Variants in APOE observed in about 807,000 individuals in gnomAD.
APOE encodes the protein apolipoprotein E3.
APOE carries 10 observed loss-of-function variants against 13.1 expected under a neutral mutation model. That is an observed-to-expected ratio of 0.76 (90% confidence interval 0.47 to 1.29). The LOEUF (loss-of-function observed/expected upper bound fraction) is 1.29. Among genes scored for constraint, APOE ranks in the 50% most tolerant of loss-of-function variants. The pLI is 0.00. For synonymous variants in APOE, 211 were observed against 207.1 expected (o/e 1.02, Z -0.16); for missense variants, 471 against 459.6 (o/e 1.02, Z -0.23).
intron 2 of APOE, 65 bp downstream of exon 2, chr19:44,906,732 T>C: frequency 6.4e-7 from 1 of 1,551,436 alleles, no homozygotes; most frequent in South Asian, 1.1e-5. Flanking sequence ...CTCAACCTCC[T>C]GGCCCCATTC....
rs1969886045 is a variant in APOE at position 44,909,148 on chromosome 19, GC to G, written c.856del (p.Leu286TrpfsTer?). 2 of 1,601,386 alleles carry G rather than the reference GC, an allele frequency of 1.2e-6. No individual in the cohort carries two copies. The highest frequency in any genetic ancestry group is 1.7e-6 in the Non-Finnish European group (2 of 1,178,878). ...FQARLKSWFE[P>X]LVEDMQRQWA... ...AGGCCCGCCTCAAGAGCTGGTTCGAGCCCCTGGTGGAAGACATGCAGCGCCA... is the reference window on the plus strand; with the variant it reads ...AGGCCCGCCTCAAGAGCTGGTTCGAGCCCTGGTGGAAGACATGCAGCGCCA... On this transcript the variant is annotated frameshift_variant, in exon 4 of 4. Coordinates refer to ENST00000252486, the MANE Select transcript of APOE (RefSeq NM_000041.4). LOFTEE classifies it low-confidence loss of function (END_TRUNC).
In APOE at chr19:44,906,731, C is replaced by T. The variant is rs143063029; in HGVS notation, c.43+64C>T. The T allele has an allele frequency of 1.7e-3, 2,678 of 1,553,144 alleles. 10 individuals are homozygous for T. The Middle Eastern group carries it at 0.026, about 15-fold the overall frequency. On this transcript the variant is annotated intron_variant, in intron 2 of 3. Coordinates refer to ENST00000252486, the MANE Select transcript of APOE (RefSeq NM_000041.4). Reference sequence around the variant, plus strand: ...CCCCTCTCATCCTCACCTCAACCTCCTGGCCCCATTCAGGCAGACCCTGGG... The same window carrying T: ...CCCCTCTCATCCTCACCTCAACCTCTTGGCCCCATTCAGGCAGACCCTGGG...
Position 44,908,847 on chromosome 19 carries a change from C to T in APOE, c.551C>T (p.Ala184Val), listed in dbSNP as rs981058595. ...QKRLAVYQAG[A>V]REGAERGLSA... is the part of the protein sequence containing the mutation. ...CGCCTGGCAGTGTACCAGGCCGGGG[C>T]CCGCGAGGGCGCCGAGCGCGGCCTC... Residue 184 changes from alanine (A) to valine (V), a missense_variant, in exon 4 of 4, where the codon GCC becomes GTC. Transcript: ENST00000252486. 2.6e-6 allele frequency: 4 copies of T among 1,527,756 alleles called. No individual in the cohort carries two copies. Among genetic ancestry groups the T allele is most frequent in the Non-Finnish European group, 3.5e-6 (4 of 1,142,412 alleles). 94.6% of individuals were successfully genotyped at this position (1,527,756 alleles called of 1,614,324 possible).
In APOE at chr19:44,907,912, CAGG is replaced by C. The variant is rs1212949121; in HGVS notation, c.202_204del (p.Glu68del). The C allele has an allele frequency of 6.2e-7, 1 of 1,613,928 alleles. No individual in the cohort carries two copies. Among genetic ancestry groups the C allele is most frequent in the Non-Finnish European group, 8.5e-7 (1 of 1,179,948 alleles). The stretch of plus-strand genomic sequence containing the variant: ...GGTGCAGACACTGTCTGAGCAGGTG[CAGG>C]AGGAGCTGCTCAGCTCCCAGGTCAC... On this transcript the variant is annotated inframe_deletion, in exon 3 of 4. Coordinates refer to ENST00000252486, the MANE Select transcript of APOE (RefSeq NM_000041.4). The surrounding 1 kb of genome is among the most constrained non-coding windows in gnomAD (Gnocchi z 4.1).
intron 2 of APOE, 23 bp downstream of exon 2, chr19:44,906,690 G>GT (rs1186127507): frequency 1.9e-6 from 3 of 1,612,952 alleles, no homozygotes; most frequent in East Asian, 2.2e-5. Flanking sequence ...GGCTTGCTCG[G>GT]TTCCCCCCGC....
chr19:44,908,774 C>T lies in APOE; in HGVS notation c.478C>T (p.Arg160Cys), dbSNP rs387906567. Residue 160 changes from arginine (R) to cysteine (C), a missense_variant, in exon 4 of 4, where the codon CGC becomes TGC. Arg to Cys is a radical substitution (Grantham distance 180). Coordinates refer to ENST00000252486, the MANE Select transcript of APOE (RefSeq NM_000041.4). ...ELRVRLASHL[R>C]KLRKRLLRDA... ...GCGGGTGCGCCTCGCCTCCCACCTG[C>T]GCAAGCTGCGTAAGCGGCTCCTCCG... The T allele has an allele frequency of 6.4e-7, 1 of 1,560,316 alleles. No individual in the cohort carries two copies. The highest frequency in any genetic ancestry group is 8.7e-7 in the Non-Finnish European group (1 of 1,154,886).
chr19:44,908,828 G>T lies in APOE; in HGVS notation c.532G>T (p.Ala178Ser). 1 of 1,538,660 alleles carries T rather than the reference G, an allele frequency of 6.5e-7. No individual in the cohort carries two copies. ...TGCCGATGACCTGCAGAAGCGCCTG[G>T]CAGTGTACCAGGCCGGGGCCCGCGA... is the stretch of plus-strand genomic sequence containing the variant. ...RDADDLQKRL[A>S]VYQAGAREGA... The change falls in exon 4 of 4, where the codon GCA becomes TCA. Residue 178 changes from alanine to serine, a missense_variant. By Grantham distance (99) the Ala-to-Ser change is moderately conservative. Coordinates refer to ENST00000252486, the MANE Select transcript of APOE (RefSeq NM_000041.4).
chr19:44,906,291 G>A (rs1373159353), intron 1 of APOE: 1 of 476,082 alleles, frequency 2.1e-6, no homozygotes. Context: ...AAGGGAGAAT[G>A]AGGAATGCGA....
chr19:44,907,628 C>T lies in APOE; in HGVS notation c.44-132C>T, dbSNP rs1443948546. On this transcript the variant is annotated intron_variant, in intron 2 of 3. Transcript: ENST00000252486. The surrounding 1 kb of genome is among the most constrained non-coding windows in gnomAD (Gnocchi z 4.1). ...CATAATGCTTTCCAAGTGATTAAACCGACTCCCCCCTCACCCTGCCCACCA... is the reference window on the plus strand; with the variant it reads ...CATAATGCTTTCCAAGTGATTAAACTGACTCCCCCCTCACCCTGCCCACCA... 2.5e-5 allele frequency: 19 copies of T among 769,904 alleles called. No homozygotes were observed. The highest frequency in any genetic ancestry group is 1.6e-4 in the East Asian group (6 of 37,234). 47.7% of individuals were successfully genotyped at this position (769,904 alleles called of 1,614,324 possible).
rs550501196 is a variant in APOE, at chr19:44,906,709, C to G, written c.43+42C>G. 184 of 1,600,088 alleles carry G rather than the reference C, an allele frequency of 1.1e-4. 1 individual carries two copies. The South Asian group carries it at 1.7e-3, about 15-fold the overall frequency. ...TGCTCGGTTCCCCCCGCTCCTCCCC[C>G]TCTCATCCTCACCTCAACCTCCTGG... is the stretch of plus-strand genomic sequence containing the variant. On this transcript the variant is annotated intron_variant, in intron 2 of 3. Transcript: ENST00000252486.
chr19:44,908,034 G>C (rs1252583126), intron 3 of APOE, 82 bp downstream of exon 3: 1 of 1,393,178 alleles, frequency 7.2e-7, no homozygotes. Context: ...TGCCCCTGTC[G>C]CTAAGTCTTG....
rs765845034 is a variant in APOE, at chr19:44,909,042, A to G, written c.746A>G (p.Glu249Gly). 7 of 1,553,244 alleles carry G rather than the reference A, an allele frequency of 4.5e-6. No homozygotes were observed. In the African/African-American group the frequency reaches 8.2e-5, roughly 18 times the overall value. ...MGSRTRDRLD[E>G]VKEQVAEVRA... ...AGCCGGACCCGCGACCGCCTGGACG[A>G]GGTGAAGGAGCAGGTGGCGGAGGTG... The change falls in exon 4 of 4, where the codon GAG becomes GGG. Residue 249 changes from glutamate to glycine, a missense_variant. Transcript: ENST00000252486.
chr19:44,908,496 C>T (rs1420352791), intron 3 of APOE, 37 bp from the exon 4 acceptor site: 3 of 1,606,160 alleles, frequency 1.9e-6, no homozygotes, highest in East Asian at 4.5e-5. Flanking sequence ...CTCCCCGCCT[C>T]CCACTGTGCG....
At chr19:44,905,881 G>C in intron 1 of APOE, 40 bp downstream of exon 1, 1 of 1,294,830 alleles carries the variant, frequency 7.7e-7, no homozygotes, top group Non-Finnish European at 1.0e-6. Context: ...GAGCTCAGGG[G>C]CCTCTAGAAA....
In APOE at chr19:44,909,045, T is replaced by G; in HGVS notation, c.749T>G (p.Val250Gly). ...GSRTRDRLDE[V>G]KEQVAEVRAK... ...CGGACCCGCGACCGCCTGGACGAGG[T>G]GAAGGAGCAGGTGGCGGAGGTGCGC... The change falls in exon 4 of 4, where the codon GTG (valine) becomes GGG (glycine). Residue 250 changes from valine to glycine, a missense_variant. Physicochemically the swap from Val to Gly is moderately radical, Grantham distance 109. Coordinates refer to ENST00000252486, the MANE Select transcript of APOE (RefSeq NM_000041.4). 1 of 1,553,424 alleles carries G rather than the reference T, an allele frequency of 6.4e-7. No individual in the cohort carries two copies. The highest frequency in any genetic ancestry group is 1.2e-5 in the South Asian group (1 of 85,418).
At position 44,906,681 on chromosome 19, in the gene APOE, G is replaced by T; in HGVS notation, c.43+14G>T. Reference sequence around the variant, plus strand: ...CATTCCTGGCAGGTATGGGGGCGGGGCTTGCTCGGTTCCCCCCGCTCCTCC... The same window carrying T: ...CATTCCTGGCAGGTATGGGGGCGGGTCTTGCTCGGTTCCCCCCGCTCCTCC... On this transcript the variant is annotated intron_variant, in intron 2 of 3. Coordinates refer to ENST00000252486, the MANE Select transcript of APOE (RefSeq NM_000041.4). 1 of 1,613,848 alleles carries T rather than the reference G, an allele frequency of 6.2e-7. No homozygotes were observed. The highest frequency in any genetic ancestry group is 8.5e-7 in the Non-Finnish European group (1 of 1,179,866).
chr19:44,908,612 G>C lies in APOE; in HGVS notation c.316G>C (p.Glu106Gln), dbSNP rs1369662219. Residue 106 changes from glutamate to glutamine, a missense_variant, in exon 4 of 4, where the codon GAG becomes CAG. Physicochemically the swap from Glu to Gln is conservative, Grantham distance 29. Coordinates refer to ENST00000252486, the MANE Select transcript of APOE (RefSeq NM_000041.4). ...GGAACAACTGACCCCGGTGGCGGAG[G>C]AGACGCGGGCACGGCTGTCCAAGGA... Reference protein sequence around the residue: ...LEEQLTPVAEETRARLSKELQ... With the variant: ...LEEQLTPVAEQTRARLSKELQ... 1 of 1,611,572 alleles carries C rather than the reference G, an allele frequency of 6.2e-7. No individual in the cohort carries two copies. Among genetic ancestry groups the C allele is most frequent in the Non-Finnish European group, 8.5e-7 (1 of 1,178,762 alleles).
chr19:44,906,660 C>A lies in APOE; in HGVS notation c.36C>A (p.Phe12Leu), dbSNP rs1381224336. The change falls in exon 2 of 4, where the codon TTC becomes TTA. Residue 12 changes from phenylalanine to leucine, a missense_variant. Phe to Leu is a conservative substitution (Grantham distance 22). Coordinates refer to ENST00000252486, the MANE Select transcript of APOE (RefSeq NM_000041.4). ...KVLWAALLVT[F>L]LAGCQAKVEQ... ...TGTGGGCTGCGTTGCTGGTCACATT[C>A]CTGGCAGGTATGGGGGCGGGGCTTG... is the stretch of plus-strand genomic sequence containing the variant. The A allele has an allele frequency of 1.9e-6, 3 of 1,613,940 alleles. No homozygotes were observed. Among genetic ancestry groups the A allele is most frequent in the Non-Finnish European group, 2.5e-6 (3 of 1,179,998 alleles).
In APOE at chr19:44,908,654, GCCCGGCTGGGCGCGGA is replaced by G; in HGVS notation, c.360_375del (p.Arg121TrpfsTer125). 1 of 1,589,660 alleles carries G rather than the reference GCCCGGCTGGGCGCGGA, an allele frequency of 6.3e-7. No homozygotes were observed. The highest frequency in any genetic ancestry group is 8.6e-7 in the Non-Finnish European group (1 of 1,168,412). ...GTCCAAGGAGCTGCAGGCGGCGCAGGCCCGGCTGGGCGCGGACATGGAGGACGTGTGCGGCCGCCTG... is the reference window on the plus strand; with the variant it reads ...GTCCAAGGAGCTGCAGGCGGCGCAGGCATGGAGGACGTGTGCGGCCGCCTG... On this transcript the variant is annotated frameshift_variant, in exon 4 of 4. Transcript: ENST00000252486. LOFTEE classifies it low-confidence loss of function (END_TRUNC).
Sources: allele counts gnomAD v4.1 joint callset, GRCh38; gene constraint gnomAD v4.1.1; non-coding constraint Gnocchi (gnomAD v3.1); transcripts MANE v1.5; gene names NCBI Gene and HGNC (gene_info 2026-07-23, HGNC 2026-07-21).